The following SLAMF1 variants were observed in gnomAD, a reference collection of about 807,000 sequenced individuals.
The protein encoded by SLAMF1 is signaling lymphocytic activation molecule.
Under a neutral mutation model 35.1 loss-of-function variants are expected in SLAMF1, and 18 were observed. The observed-to-expected ratio is 0.51, with a 90% CI of 0.35 to 0.76. The LOEUF is 0.76. Among genes scored for constraint, SLAMF1 ranks in the 30% least tolerant of loss-of-function variants. The probability of loss-of-function intolerance (pLI) is 0.01; values close to 1 mark genes in which losing one functional copy is unlikely to be tolerated. For synonymous variants in SLAMF1, 168 were observed against 157.2 expected (o/e 1.07, Z -0.51); for missense variants, 392 against 413.0 (o/e 0.95, Z 0.44).
intron 3 of SLAMF1, among the ~76,000 whole-genome samples, chr1:160,632,771 T>C (rs1660230167): frequency 6.6e-6 from 1 of 152,180 alleles, no homozygotes; most frequent in Non-Finnish European, 1.5e-5. Flanking sequence ...CATTATATTT[T>C]TGTAGCTTTT....
At chr1:160,633,185 C>G (rs751990700) in intron 3 of SLAMF1, among the ~76,000 whole-genome samples, 25 of 152,168 alleles carry the variant, frequency 1.6e-4, no homozygotes, top group Non-Finnish European at 2.9e-4. Context: ...GTCCTGCCAG[C>G]ACCTTCTAAA....
intron 1 of SLAMF1, among the ~76,000 whole-genome samples, chr1:160,641,326 C>T (rs1660734740): frequency 6.6e-6 from 1 of 152,062 alleles, no homozygotes; most frequent in South Asian, 2.1e-4. Context: ...AACCCATCGC[C>T]ACCACTCCCC....
At chr1:160,634,152 A>G (rs2102334592) in intron 3 of SLAMF1, among the ~76,000 whole-genome samples, 1 of 152,342 alleles carries the variant, frequency 6.6e-6, no homozygotes, top group East Asian at 1.9e-4. Flanking sequence ...TATCTTTACA[A>G]TGAATTGTTA....
intron 4 of SLAMF1, among the ~76,000 whole-genome samples, chr1:160,621,859 T>C (rs868066815): frequency 3.0e-5 from 4 of 134,790 alleles, no homozygotes; most frequent in East Asian, 4.2e-4. Flanking sequence ...TGAGTGCGTG[T>C]GTGTGTGTGT....
intron 5 of SLAMF1, among the ~76,000 whole-genome samples, chr1:160,619,414 A>G (rs774073345): frequency 2.6e-5 from 4 of 152,188 alleles, no homozygotes; most frequent in African/African-American, 4.8e-5. Flanking sequence ...ATGTCACACA[A>G]TAGCTTTTCC....
At chr1:160,625,855 A>G (rs200428880) in intron 3 of SLAMF1, among the ~76,000 whole-genome samples, 31 of 131,612 alleles carry the variant, frequency 2.4e-4, no homozygotes, top group South Asian at 7.0e-4. Context: ...GTGTGTGTGT[A>G]TGTGTGTATG....
At chr1:160,638,185 C>T (rs530799189) in intron 1 of SLAMF1, among the ~76,000 whole-genome samples, 1 of 152,286 alleles carries the variant, frequency 6.6e-6, no homozygotes, top group South Asian at 2.1e-4. Context: ...GCCTTTCAAA[C>T]CACTATGAGG....
chr1:160,618,577 C>T (rs944793836), intron 5 of SLAMF1, among the ~76,000 whole-genome samples: 2 of 152,130 alleles, frequency 1.3e-5, no homozygotes, highest in Non-Finnish European at 2.9e-5. Context: ...AGAACAGACT[C>T]CAGTCCTCAA....
At position 160,646,948 on chromosome 1, in the gene SLAMF1, G is replaced by A. The variant is rs776111647; in HGVS notation, c.-3C>T. On this transcript the variant is annotated 5_prime_UTR_variant, in exon 1 of 7. Transcript: ENST00000302035. Reference sequence around the variant, plus strand: ...GAGAGGAGCCCCTTGGGATCCATCAGCCAATGAGGAGAAGGAAGGGATCCT... The same window carrying A: ...GAGAGGAGCCCCTTGGGATCCATCAACCAATGAGGAGAAGGAAGGGATCCT... 6 of 1,573,820 alleles carry A rather than the reference G, an allele frequency of 3.8e-6. No individual in the cohort carries two copies. Among genetic ancestry groups the A allele is most frequent in the Non-Finnish European group, 5.2e-6 (6 of 1,144,570 alleles).
chr1:160,640,367 C>A (rs12750243), intron 1 of SLAMF1, among the ~76,000 whole-genome samples: 1 of 118,042 alleles, frequency 8.5e-6, no homozygotes, highest in Admixed American at 8.6e-5. Context: ...TATACACACA[C>A]ACACACACAT....
At chr1:160,637,924 G>A (rs1391607586) in intron 1 of SLAMF1, among the ~76,000 whole-genome samples, 1 of 152,108 alleles carries the variant, frequency 6.6e-6, no homozygotes, top group Non-Finnish European at 1.5e-5. Flanking sequence ...TGAATATACA[G>A]GATGAAGGAT....
intron 3 of SLAMF1, among the ~76,000 whole-genome samples, chr1:160,631,457 A>G (rs1660161336): frequency 6.6e-6 from 1 of 152,106 alleles, no homozygotes; most frequent in Non-Finnish European, 1.5e-5. Flanking sequence ...CATTAGGGAG[A>G]TGTTTTGGGC....
In SLAMF1 at chr1:160,619,859, A is replaced by G; in HGVS notation, c.791-10T>C. 6.3e-7 allele frequency: 1 copy of G among 1,593,380 alleles called. No individual in the cohort carries two copies. Among genetic ancestry groups the G allele is most frequent in the South Asian group, 1.1e-5 (1 of 90,698 alleles). On this transcript the variant is annotated splice_polypyrimidine_tract_variant and intron_variant, in intron 4 of 6. Transcript: ENST00000302035. ...TAATGGTTCGTTTTACCTGGTGAAA[A>G]GAAACCATAATGGTTATCTCCCTCT...
intron 1 of SLAMF1, among the ~76,000 whole-genome samples, chr1:160,645,817 C>T (rs1390254268): frequency 6.6e-6 from 1 of 152,154 alleles, no homozygotes; most frequent in Non-Finnish European, 1.5e-5. Flanking sequence ...AAAGACACAT[C>T]CATTGTGCAG....
chr1:160,624,248 A>C (rs1659764756), intron 3 of SLAMF1, 63 bp from the exon 4 acceptor site: 1 of 1,135,948 alleles, frequency 8.8e-7, no homozygotes, highest in Non-Finnish European at 1.3e-6. Flanking sequence ...AACATCTTAC[A>C]TGAAAGTGGG....
In SLAMF1 at chr1:160,637,209, G is replaced by A. The variant is rs745390545; in HGVS notation, c.397C>T (p.Leu133=). 1 of 1,613,926 alleles carries A rather than the reference G, an allele frequency of 6.2e-7. No homozygotes were observed. The highest frequency in any genetic ancestry group is 8.5e-7 in the Non-Finnish European group (1 of 1,179,838). The change falls in exon 2 of 7, where the codon CTG becomes TTG. Residue 133 remains leucine (L), a synonymous_variant. Transcript: ENST00000302035. ...TTATTACCATAAAGCCTCAACTGCA[G>A]GCAAAAGCGCTGAACTGAAACATTT... ...EKNVSVQRFC[L]QLRLYEQVST...
intron 5 of SLAMF1, among the ~76,000 whole-genome samples, chr1:160,616,722 A>C (rs925465655): frequency 6.6e-6 from 1 of 152,246 alleles, no homozygotes; most frequent in African/African-American, 2.4e-5. Flanking sequence ...TTTAAGAAAG[A>C]ATTTTAATAT....
chr1:160,610,646 G>C lies in SLAMF1; in HGVS notation c.*102C>G. 3.8e-6 allele frequency: 3 copies of C among 795,558 alleles called. No homozygotes were observed. The highest frequency in any genetic ancestry group is 4.5e-6 in the Non-Finnish European group (2 of 444,248). 49.3% of individuals were successfully genotyped at this position (795,558 alleles called of 1,614,324 possible). On this transcript the variant is annotated 3_prime_UTR_variant, in exon 7 of 7. Transcript: ENST00000302035. ...GTTGATCTGAGAAGGGTACAGACGT[G>C]CAGCATGTCTGCCAGAGGAAACTTG...
chr1:160,634,560 G>T, intron 3 of SLAMF1, 53 bp downstream of exon 3: 2 of 1,515,516 alleles, frequency 1.3e-6, no homozygotes, highest in South Asian at 2.5e-5. Flanking sequence ...ACCATGTGAA[G>T]ACTGAGCCCA....
Sources: gnomAD v4.1 joint callset for allele counts (sites outside exome capture counted in the v4.1 genomes callset) on GRCh38, gnomAD v4.1.1 for gene constraint, MANE v1.5 for transcripts, NCBI Gene and HGNC (gene_info 2026-07-23, HGNC 2026-07-21) for gene names.